LYPD5: variants seen among roughly 807,000 people sequenced by gnomAD.
LYPD5 encodes the protein LY6/PLAUR domain containing 5.
A neutral mutation model predicts 19.1 loss-of-function variants in LYPD5; 21 were observed. That is an observed-to-expected ratio of 1.10 (90% CI 0.78 to 1.58). The LOEUF (loss-of-function observed/expected upper bound fraction) is 1.58, where lower values mean the gene tolerates loss of function less well. LYPD5 is among the 40% of genes most tolerant of loss of function. The probability of loss-of-function intolerance (pLI) is 0.00; values close to 1 mark genes in which losing one functional copy is unlikely to be tolerated. For synonymous variants in LYPD5, 128 were observed against 142.7 expected, an observed-to-expected ratio of 0.90 and a Z score of 0.74; for missense variants, 287 against 329.8, an observed-to-expected ratio of 0.87 and a Z score of 1.00.
chr19:43,802,094 G>C (rs1970228736), intron 1 of LYPD5, among the ~76,000 whole-genome samples: 1 of 151,988 alleles, frequency 6.6e-6, no homozygotes, highest in African/African-American at 2.4e-5. Flanking sequence ...TAGCCTCCAG[G>C]CTCCTGCCCA....
chr19:43,804,165 ATCT>A (rs1204246642), upstream of LYPD5, among the ~76,000 whole-genome samples: 5 of 152,024 alleles, frequency 3.3e-5, no homozygotes, highest in African/African-American at 1.2e-4. Context: ...ATGTAGGTAA[ATCT>A]TCTCCTGGTC....
intron 1 of LYPD5, 154 bp from the exon 2 acceptor site, chr19:43,799,988 G>A: frequency 1.2e-6 from 1 of 865,840 alleles, no homozygotes; most frequent in Non-Finnish European, 1.7e-6. Flanking sequence ...ATTGCAGCTG[G>A]TCACAGCTGT....
chr19:43,815,695 T>C (rs991522106), intron 1 of LYPD5: 3 of 299,712 alleles, frequency 1.0e-5, no homozygotes, highest in Admixed American at 8.8e-5. Context: ...ATATATGTTA[T>C]ATATAAACAC....
Position 43,797,453 on chromosome 19 carries a change from G to C in LYPD5, c.*138C>G. The stretch of plus-strand genomic sequence containing the variant: ...TGTTGGCCAGGTTGTGGGGCACAAG[G>C]GCGGGAGAGATGGAAGGCCAGAGGG... On this transcript the variant is annotated 3_prime_UTR_variant, in exon 5 of 5. Coordinates refer to ENST00000377950, the MANE Select transcript of LYPD5 (RefSeq NM_001031749.3). 1 of 746,198 alleles carries C rather than the reference G, an allele frequency of 1.3e-6. No homozygotes were observed. Among genetic ancestry groups the C allele is most frequent in the Non-Finnish European group, 2.2e-6 (1 of 452,304 alleles). 46.2% of individuals were successfully genotyped at this position (746,198 alleles called of 1,614,324 possible). A position where few individuals can be genotyped will look rare whatever the true frequency, so the allele number is the denominator to read the frequency against.
chr19:43,807,081 C>A (rs776295976), upstream of LYPD5, among the ~76,000 whole-genome samples: 2 of 152,188 alleles, frequency 1.3e-5, no homozygotes, highest in Non-Finnish European at 2.9e-5. Flanking sequence ...TCTATTTATT[C>A]ATTCATCCTT....
At chr19:43,799,944 AG>A (rs1970201639) in intron 1 of LYPD5, 110 bp from the exon 2 acceptor site, 1 of 1,325,256 alleles carries the variant, frequency 7.5e-7, no homozygotes. Flanking sequence ...CTCTGCTCCC[AG>A]GGAAGACACG....
At chr19:43,817,908 G>C (rs1970386629) in intron 1 of LYPD5, among the ~76,000 whole-genome samples, 1 of 151,876 alleles carries the variant, frequency 6.6e-6, no homozygotes, top group Admixed American at 6.6e-5. Context: ...TAGAGATGAG[G>C]TTTCACCTTT....
At chr19:43,799,622 T>C (rs1970194469) in intron 2 of LYPD5, 84 bp downstream of exon 2, 1 of 1,355,066 alleles carries the variant, frequency 7.4e-7, no homozygotes, top group East Asian at 2.5e-5. Context: ...CATCTTCTAC[T>C]CAATTCCCCT....
chr19:43,815,276 G>A (rs1008417367), intron 1 of LYPD5, among the ~76,000 whole-genome samples: 1 of 152,064 alleles, frequency 6.6e-6, no homozygotes, highest in African/African-American at 2.4e-5. Flanking sequence ...GGCCGAAAGT[G>A]GGGGGATTGT....
intron 1 of LYPD5, among the ~76,000 whole-genome samples, chr19:43,812,378 A>ATCTATCTATCTATCTATCT (rs1568406587): frequency 1.8e-5 from 1 of 54,940 alleles, no homozygotes; most frequent in Non-Finnish European, 4.1e-5. Context: ...TCTATCTATC[A>ATCTATCTATCTATCTATCT]ATCTATCATC....
At chr19:43,800,710 C>T (rs979974914) in intron 1 of LYPD5, among the ~76,000 whole-genome samples, 1 of 152,068 alleles carries the variant, frequency 6.6e-6, no homozygotes, top group Non-Finnish European at 1.5e-5. Flanking sequence ...GCCTATAATC[C>T]CAGCACTTTG....
chr19:43,819,710 C>T (rs1970403803), intron 1 of LYPD5, among the ~76,000 whole-genome samples: 1 of 152,130 alleles, frequency 6.6e-6, no homozygotes, highest in Non-Finnish European at 1.5e-5. Context: ...CTCTCCCAAA[C>T]CAGTGTTTCA....
At chr19:43,806,811 A>G (rs1970274514), upstream of LYPD5, among the ~76,000 whole-genome samples, 1 of 152,214 alleles carries the variant, frequency 6.6e-6, no homozygotes, top group South Asian at 2.1e-4. Flanking sequence ...ATGCTCTTGA[A>G]TCATCTGAAA....
intron 4 of LYPD5, 130 bp from the exon 5 acceptor site, chr19:43,797,959 GC>G: frequency 1.4e-6 from 1 of 713,848 alleles, no homozygotes; most frequent in Non-Finnish European, 2.3e-6. Context: ...TAAGACCAGG[GC>G]CAGGCCTCCC....
intron 1 of LYPD5, among the ~76,000 whole-genome samples, chr19:43,816,820 G>A (rs1479274019): frequency 2.0e-5 from 3 of 151,920 alleles, no homozygotes; most frequent in African/African-American, 4.9e-5. Context: ...CCCCCATACC[G>A]TTCTCATGAT....
Position 43,798,700 on chromosome 19 carries a change from G to T in LYPD5, c.371-99C>A, listed in dbSNP as rs925691243. On this transcript the variant is annotated intron_variant, in intron 3 of 4. Coordinates refer to ENST00000377950, the MANE Select transcript of LYPD5 (RefSeq NM_001031749.3). ...GAGCCCGCGCCTAGCACGTCTCGGG[G>T]GTTGGGATCCTAGCGCGCCAAGAGC... 7.0e-6 allele frequency: 11 copies of T among 1,580,982 alleles called. No homozygotes were observed. In the Admixed American group the frequency reaches 2.0e-4, roughly 29 times the overall value.
chr19:43,806,100 G>C (rs1266954942), upstream of LYPD5, among the ~76,000 whole-genome samples: 1 of 152,152 alleles, frequency 6.6e-6, no homozygotes, highest in African/African-American at 2.4e-5. Context: ...ACCAGTACCT[G>C]TTAGGAACGG....
At chr19:43,806,666 A>G (rs1882901082), upstream of LYPD5, among the ~76,000 whole-genome samples, 1 of 99,300 alleles carries the variant, frequency 1.0e-5, no homozygotes, top group Non-Finnish European at 2.4e-5. Context: ...GTCTCAACAA[A>G]ACAAAACAAA....
At chr19:43,819,283 C>CTTTTTTTTTTTTT (rs560659624) in intron 1 of LYPD5, among the ~76,000 whole-genome samples, 13 of 110,510 alleles carry the variant, frequency 1.2e-4, no homozygotes, top group Admixed American at 2.1e-4. Flanking sequence ...TCTTCTTCTT[C>CTTTTTTTTTTTTT]TTTTTTTTTT....
Sources: gnomAD v4.1 joint callset for allele counts (sites outside exome capture counted in the v4.1 genomes callset) on GRCh38, gnomAD v4.1.1 for gene constraint, MANE v1.5 for transcripts, NCBI Gene and HGNC (gene_info 2026-07-23, HGNC 2026-07-21) for gene names.